ARSJ: variants seen among roughly 807,000 people sequenced by gnomAD.
The protein encoded by ARSJ is arylsulfatase J.
Under a neutral mutation model 35.9 loss-of-function variants are expected in ARSJ, and 26 were observed. That is an observed-to-expected ratio of 0.72 (90% CI 0.53 to 1.00). The LOEUF (loss-of-function observed/expected upper bound fraction) is 1.00, where lower values mean the gene tolerates loss of function less well. ARSJ is among the 50% of genes least tolerant of loss of function. The pLI, the probability that ARSJ is intolerant of heterozygous loss-of-function variation, is 0.00. For missense variants in ARSJ, 667 were observed against 723.6 expected, an observed-to-expected ratio of 0.92 and a Z score of 0.90; for synonymous variants, 294 against 267.6, an observed-to-expected ratio of 1.10 and a Z score of -0.96.
intron 1 of ARSJ, among the ~76,000 whole-genome samples, chr4:113,951,147 A>G (rs1725840150): frequency 6.6e-6 from 1 of 152,090 alleles, no homozygotes; most frequent in Non-Finnish European, 1.5e-5. Context: ...AATGCTTCCA[A>G]TATGGGGAAG....
intron 1 of ARSJ, among the ~76,000 whole-genome samples, chr4:113,969,403 ATGAC>A (rs1727101342): frequency 6.6e-6 from 1 of 152,154 alleles, no homozygotes. Context: ...GATGAGAGCT[ATGAC>A]TATACTTACA....
At chr4:113,973,756 A>C (rs1474443408) in intron 1 of ARSJ, among the ~76,000 whole-genome samples, 1 of 152,192 alleles carries the variant, frequency 6.6e-6, no homozygotes, top group African/African-American at 2.4e-5. Context: ...TCCCAAAACC[A>C]AATCTTCCAA....
intron 1 of ARSJ, among the ~76,000 whole-genome samples, chr4:113,906,076 T>G (rs1160054931): frequency 6.6e-6 from 1 of 152,128 alleles, no homozygotes; most frequent in African/African-American, 2.4e-5. Context: ...AAAAACTAAT[T>G]TTTCACACAA....
At position 113,978,836 on chromosome 4, in the gene ARSJ, C is replaced by A. The variant is rs779633709; in HGVS notation, c.-2G>T. The A allele has an allele frequency of 6.3e-7, 1 of 1,594,366 alleles. No homozygotes were observed. Among genetic ancestry groups the A allele is most frequent in the African/African-American group, 1.3e-5 (1 of 74,124 alleles). ...CCCCGCACAGCCCCTGGGAGCCATT[C>A]ACTCAGGTCCCAGGTGAGACTCCAC... is the stretch of plus-strand genomic sequence containing the variant. On this transcript the variant is annotated 5_prime_UTR_variant, in exon 1 of 2. An upstream open reading frame in the 5' UTR loses its in-frame stop. Coordinates refer to ENST00000315366, the MANE Select transcript of ARSJ (RefSeq NM_024590.4).
At chr4:113,963,323 G>A (rs988122196) in intron 1 of ARSJ, among the ~76,000 whole-genome samples, 1 of 152,032 alleles carries the variant, frequency 6.6e-6, no homozygotes, top group Non-Finnish European at 1.5e-5. Flanking sequence ...AAGGAAAGAG[G>A]TTTAATTGAC....
chr4:113,977,201 T>C (rs1229944966), intron 1 of ARSJ, among the ~76,000 whole-genome samples: 1 of 152,190 alleles, frequency 6.6e-6, no homozygotes, highest in Non-Finnish European at 1.5e-5. Context: ...TCTACTCCTT[T>C]ATAAATATCA....
In ARSJ at chr4:113,903,544, C is replaced by T; in HGVS notation, c.530G>A (p.Trp177Ter). Residue 177 changes from tryptophan to a stop codon, truncating the protein, a stop_gained, in exon 2 of 2, where the codon TGG (tryptophan) becomes TAG (stop). Coordinates refer to ENST00000315366, the MANE Select transcript of ARSJ (RefSeq NM_024590.4). LOFTEE classifies it high-confidence loss of function. Reference sequence around the variant, plus strand: ...TTCTTTTCTGTAAAAACCCAAGTGCCATTTTCCGACCATATGCGTTGAATA... The same window carrying T: ...TTCTTTTCTGTAAAAACCCAAGTGCTATTTTCCGACCATATGCGTTGAATA... ...VGYSTHMVGK[W>*]HLGFYRKECM... 6.2e-7 allele frequency: 1 copy of T among 1,614,162 alleles called. No individual in the cohort carries two copies. The highest frequency in any genetic ancestry group is 1.6e-4 in the Middle Eastern group (1 of 6,062).
chr4:113,966,255 AT>A lies in ARSJ; in HGVS notation c.398+12181del, dbSNP rs1362592321. ...TTTTGCTAGGTAGAAGTGCAGAAAA[AT>A]TAAGTCAAGTAAATTGTGCACTTTG... On this transcript the variant is annotated intron_variant, in intron 1 of 1. Coordinates refer to ENST00000315366, the MANE Select transcript of ARSJ (RefSeq NM_024590.4). 2.6e-5 allele frequency among the ~76,000 whole-genome samples: 4 copies of A among 152,254 alleles called. No homozygotes were observed. The East Asian group carries it at 5.8e-4, about 22-fold the overall frequency.
chr4:113,917,629 G>A (rs537867128), intron 1 of ARSJ, among the ~76,000 whole-genome samples: 31 of 152,202 alleles, frequency 2.0e-4, no homozygotes, highest in Admixed American at 3.9e-4. Flanking sequence ...TACTAAAGGA[G>A]AATTACACTA....
At chr4:113,976,002 A>G (rs995687104) in intron 1 of ARSJ, among the ~76,000 whole-genome samples, 1 of 152,170 alleles carries the variant, frequency 6.6e-6, no homozygotes, top group Admixed American at 6.5e-5. Flanking sequence ...CATGGCTCCA[A>G]TGCAGGGGTC....
intron 1 of ARSJ, among the ~76,000 whole-genome samples, chr4:113,918,355 A>G (rs1459995874): frequency 1.3e-5 from 2 of 152,194 alleles, no homozygotes; most frequent in Non-Finnish European, 2.9e-5. Context: ...GAATATATTT[A>G]TATTCATAAA....
intron 1 of ARSJ, among the ~76,000 whole-genome samples, chr4:113,956,053 G>A (rs1325593318): frequency 1.3e-5 from 2 of 152,142 alleles, no homozygotes; most frequent in East Asian, 3.9e-4. Context: ...TGCCTCAAGT[G>A]ATCCTTCCAC....
At chr4:113,928,211 C>G (rs745535345) in intron 1 of ARSJ, among the ~76,000 whole-genome samples, 6 of 152,132 alleles carry the variant, frequency 3.9e-5, no homozygotes, top group Non-Finnish European at 8.8e-5. Context: ...TCAGAAATGT[C>G]TGATTATTTC....
intron 1 of ARSJ, among the ~76,000 whole-genome samples, chr4:113,910,177 C>T (rs1406536609): frequency 6.6e-6 from 1 of 152,062 alleles, no homozygotes; most frequent in Non-Finnish European, 1.5e-5. Context: ...CACTTTACTG[C>T]CAACTTAAAA....
intron 1 of ARSJ, among the ~76,000 whole-genome samples, chr4:113,916,245 C>G (rs1332754241): frequency 6.6e-6 from 1 of 152,122 alleles, no homozygotes; most frequent in Non-Finnish European, 1.5e-5. Flanking sequence ...TCCGGCCTAC[C>G]TTTTCTATTG....
rs988397604 is a variant in ARSJ at position 113,954,816 on chromosome 4, G to A, written c.398+23621C>T. 1.3e-4 allele frequency among the ~76,000 whole-genome samples: 20 copies of A among 152,144 alleles called. 1 individual carries two copies. In the South Asian group the frequency reaches 3.7e-3, roughly 28 times the overall value. ...CATGGGCATTCTAAACCTGTAGTCT[G>A]AGCCAGATGTCTGGAAGCTCTTAGA... On this transcript the variant is annotated intron_variant, in intron 1 of 1. Transcript: ENST00000315366.
chr4:113,970,499 A>G (rs1014914814), intron 1 of ARSJ: 1 of 152,270 alleles, frequency 6.6e-6, no homozygotes, highest in Non-Finnish European at 1.5e-5. Context: ...TGAAGATCAA[A>G]TAACAGGATG....
At chr4:113,904,252 T>C (rs1238634942) in intron 1 of ARSJ, among the ~76,000 whole-genome samples, 2 of 152,296 alleles carry the variant, frequency 1.3e-5, no homozygotes, top group East Asian at 1.9e-4. Flanking sequence ...AAAGTTCTTA[T>C]AGTGGAATTA....
chr4:113,962,781 T>G (rs1562373216), intron 1 of ARSJ, among the ~76,000 whole-genome samples: 1 of 152,086 alleles, frequency 6.6e-6, no homozygotes, highest in African/African-American at 2.4e-5. Flanking sequence ...GTTCCCCTTC[T>G]GCTCCAAGCT....
Sources: allele counts gnomAD v4.1 joint callset (sites outside exome capture counted in the v4.1 genomes callset), GRCh38; gene constraint gnomAD v4.1.1; transcripts MANE v1.5; gene names NCBI Gene and HGNC (gene_info 2026-07-23, HGNC 2026-07-21).